Variants in XDH observed in about 807,000 individuals in gnomAD.
XDH encodes xanthine dehydrogenase.
Under a neutral mutation model 156.1 loss-of-function variants are expected in XDH, and 138 were observed. The observed-to-expected ratio is 0.88, with a 90% CI of 0.77 to 1.02. The LOEUF is 1.02. XDH is among the 50% of genes least tolerant of loss of function. The pLI is 0.00. For synonymous variants in XDH, 669 were observed against 625.7 expected, an observed-to-expected ratio of 1.07 and a Z score of -1.03; for missense variants, 1,849 against 1,684.9, an observed-to-expected ratio of 1.10 and a Z score of -1.71.
intron 1 of XDH, among the ~76,000 whole-genome samples, chr2:31,407,367 C>T (rs959103343): frequency 2.6e-5 from 4 of 152,098 alleles, no homozygotes; most frequent in Admixed American, 6.5e-5. Flanking sequence ...GAAGTGTCGC[C>T]TATGGATGTA....
chr2:31,395,869 C>T (rs1686889732), intron 6 of XDH, among the ~76,000 whole-genome samples: 1 of 152,226 alleles, frequency 6.6e-6, no homozygotes, highest in African/African-American at 2.4e-5. Flanking sequence ...TCCTAAGCTG[C>T]TTACATGCCA....
intron 24 of XDH, among the ~76,000 whole-genome samples, chr2:31,359,439 C>T (rs1685715617): frequency 6.6e-6 from 1 of 151,058 alleles, no homozygotes; most frequent in Non-Finnish European, 1.5e-5. Context: ...TATTGCATCA[C>T]AAGCGCCAGT....
chr2:31,359,737 C>T (rs1685724494), intron 24 of XDH, among the ~76,000 whole-genome samples: 1 of 152,070 alleles, frequency 6.6e-6, no homozygotes, highest in Non-Finnish European at 1.5e-5. Flanking sequence ...TGGCAGTGTG[C>T]CCTGAGTTAG....
intron 29 of XDH, 32 bp downstream of exon 29, chr2:31,347,490 C>G: frequency 6.2e-7 from 1 of 1,612,732 alleles, no homozygotes; most frequent in Non-Finnish European, 8.5e-7. Flanking sequence ...TGGGCTGGCC[C>G]TCTGCTCTGC....
intron 6 of XDH, among the ~76,000 whole-genome samples, chr2:31,393,261 T>G (rs2147999464): frequency 6.6e-6 from 1 of 152,354 alleles, no homozygotes; most frequent in African/African-American, 2.4e-5. Flanking sequence ...TGGATTCATC[T>G]ATTTGTCTCT....
At chr2:31,385,993 C>T (rs1686580256) in intron 9 of XDH, among the ~76,000 whole-genome samples, 1 of 152,208 alleles carries the variant, frequency 6.6e-6, no homozygotes, top group Non-Finnish European at 1.5e-5. Context: ...GAACCATGTC[C>T]AATTGAGCTT....
intron 11 of XDH, among the ~76,000 whole-genome samples, chr2:31,382,183 G>A (rs1015531715): frequency 3.9e-5 from 6 of 152,132 alleles, no homozygotes; most frequent in African/African-American, 1.2e-4. Flanking sequence ...CAGGGTTCTC[G>A]TTATTAGAAA....
chr2:31,346,680 C>T (rs914943314), intron 30 of XDH, 89 bp downstream of exon 30: 5 of 1,458,614 alleles, frequency 3.4e-6, no homozygotes, highest in Non-Finnish European at 3.9e-6. Flanking sequence ...AAAATATTGT[C>T]TCCTATTACT....
intron 19 of XDH, among the ~76,000 whole-genome samples, chr2:31,368,286 A>G (rs534843524): frequency 5.8e-4 from 88 of 152,358 alleles, no homozygotes; most frequent in African/African-American, 2.1e-3. Flanking sequence ...GGAAAAGCAA[A>G]GAATACCACA....
At chr2:31,355,138 T>G (rs1685590992) in intron 24 of XDH, among the ~76,000 whole-genome samples, 2 of 152,130 alleles carry the variant, frequency 1.3e-5, no homozygotes, top group African/African-American at 2.4e-5. Context: ...GTTTTTCAGG[T>G]GCTGAAAGAA....
chr2:31,378,932 G>C (rs935921038), intron 13 of XDH, among the ~76,000 whole-genome samples: 1 of 151,966 alleles, frequency 6.6e-6, no homozygotes, highest in African/African-American at 2.4e-5. Context: ...AGACAAGCTA[G>C]AAAACCATTA....
At chr2:31,412,474 G>C (rs981506068) in intron 1 of XDH, among the ~76,000 whole-genome samples, 1 of 152,038 alleles carries the variant, frequency 6.6e-6, no homozygotes, top group Non-Finnish European at 1.5e-5. Flanking sequence ...ACACACCGGG[G>C]CCTGTCGTGG....
intron 6 of XDH, among the ~76,000 whole-genome samples, chr2:31,391,672 C>G (rs1049568462): frequency 6.6e-6 from 1 of 152,162 alleles, no homozygotes; most frequent in Non-Finnish European, 1.5e-5. Context: ...TTTTGTTCAT[C>G]AGAGTTTTGT....
intron 31 of XDH, among the ~76,000 whole-genome samples, chr2:31,342,594 G>A (rs887638281): frequency 6.6e-6 from 1 of 152,190 alleles, no homozygotes; most frequent in Non-Finnish European, 1.5e-5. Context: ...AGAGGTAACA[G>A]ATCCATCTGG....
At chr2:31,386,624 T>G (rs1686605262) in intron 8 of XDH, 69 bp from the exon 9 acceptor site, 2 of 1,602,804 alleles carry the variant, frequency 1.2e-6, no homozygotes, top group Non-Finnish European at 1.7e-6. Flanking sequence ...TAAATTGCTT[T>G]AAGTCCTCAA....
At chr2:31,384,676 C>CT (rs1248239013) in intron 9 of XDH, among the ~76,000 whole-genome samples, 1 of 152,192 alleles carries the variant, frequency 6.6e-6, no homozygotes, top group Non-Finnish European at 1.5e-5. Context: ...CCTCTTTGCC[C>CT]CCCCTTCCCC....
chr2:31,344,870 C>T (rs542683191), intron 30 of XDH, 134 bp from the exon 31 acceptor site: 1 of 877,848 alleles, frequency 1.1e-6, no homozygotes, highest in East Asian at 2.6e-5. Flanking sequence ...ATTTCCATAC[C>T]TTACCTTACA....
At chr2:31,384,015 G>T in intron 9 of XDH, 168 bp from the exon 10 acceptor site, 1 of 702,716 alleles carries the variant, frequency 1.4e-6, no homozygotes, top group Non-Finnish European at 2.5e-6. Flanking sequence ...TAGACCAGGG[G>T]TGGGATTAGA....
At chr2:31,389,115 T>G (rs561771622) in intron 6 of XDH, among the ~76,000 whole-genome samples, 52 of 152,350 alleles carry the variant, frequency 3.4e-4, no homozygotes, top group Non-Finnish European at 1.5e-5. Flanking sequence ...TCATAGGTTC[T>G]GCCTCAGGCA....
Sources: allele counts gnomAD v4.1 joint callset (sites outside exome capture counted in the v4.1 genomes callset), GRCh38; gene constraint gnomAD v4.1.1; transcripts MANE v1.5; gene names NCBI Gene and HGNC (gene_info 2026-07-23, HGNC 2026-07-21).